The following SDK2 variants were observed in gnomAD, a reference collection of about 807,000 sequenced individuals.
The protein encoded by SDK2 is protein sidekick-2.
A neutral mutation model predicts 253.9 loss-of-function variants in SDK2; 105 were observed. The ratio of observed to expected loss-of-function variants is 0.41; its 90% confidence interval spans 0.35 to 0.49. The LOEUF (loss-of-function observed/expected upper bound fraction) is 0.49. SDK2 is among the 20% of genes least tolerant of loss of function. The pLI is 0.06. For missense variants in SDK2, 2,608 were observed against 3,003.0 expected (o/e 0.87, Z 3.07); for synonymous variants, 1,249 against 1,234.9 (o/e 1.01, Z -0.24).
intron 5 of SDK2, among the ~76,000 whole-genome samples, chr17:73,445,052 T>A (rs2063443545): frequency 6.6e-6 from 1 of 152,260 alleles, no homozygotes; most frequent in Non-Finnish European, 1.5e-5. Context: ...GAACAACTTA[T>A]GCATACGACT....
At chr17:73,625,384 C>T (rs1256799372) in intron 1 of SDK2, among the ~76,000 whole-genome samples, 1 of 152,156 alleles carries the variant, frequency 6.6e-6, no homozygotes, top group African/African-American at 2.4e-5. Context: ...CCTTGTCAGC[C>T]CCATGAGAGG....
At chr17:73,555,246 C>T (rs902931255) in intron 1 of SDK2, among the ~76,000 whole-genome samples, 2 of 152,208 alleles carry the variant, frequency 1.3e-5, no homozygotes, top group Admixed American at 6.5e-5. Flanking sequence ...GATGAGCCAG[C>T]GAGGGCCTCA....
intron 2 of SDK2, among the ~76,000 whole-genome samples, chr17:73,485,974 A>G (rs2063767194): frequency 6.6e-6 from 1 of 152,240 alleles, no homozygotes; most frequent in Non-Finnish European, 1.5e-5. Flanking sequence ...TCAAGGCCAC[A>G]GGGTTAGAGG....
intron 22 of SDK2, 101 bp from the exon 23 acceptor site, chr17:73,398,530 A>AC (rs1280244564): frequency 2.1e-6 from 2 of 973,332 alleles, no homozygotes; most frequent in Non-Finnish European, 3.1e-6. Context: ...TTGGTTCAGA[A>AC]CCCAGGGCTC....
At chr17:73,412,876 T>C (rs905443339) in intron 18 of SDK2, among the ~76,000 whole-genome samples, 1 of 152,052 alleles carries the variant, frequency 6.6e-6, no homozygotes, top group Non-Finnish European at 1.5e-5. Context: ...CAAGATCTCT[T>C]TGGACACAGA....
chr17:73,573,124 C>T (rs1021848091), intron 1 of SDK2, among the ~76,000 whole-genome samples: 2 of 152,210 alleles, frequency 1.3e-5, no homozygotes, highest in Non-Finnish European at 2.9e-5. Context: ...CCTCTCCATC[C>T]TCCACTTCCT....
rs771193425 is a variant in SDK2, at chr17:73,423,497, G to C, written c.1786C>G (p.Pro596Ala). ...TCCACGGTGCTGAGAGTGGCCACTG[G>C]GTGCTCGGGCGCGTGGGGCAGTTGC... is the stretch of plus-strand genomic sequence containing the variant. ...VRQLPHAPEH[P>A]VATLSTVERR... Residue 596 changes from proline to alanine, a missense_variant, in exon 14 of 45, where the codon CCA becomes GCA. This residue lies in a region of SDK2 where 1,505 missense variants were observed against 1,859.1 expected (regional missense o/e 0.81). Coordinates refer to ENST00000392650, the MANE Select transcript of SDK2 (RefSeq NM_001144952.2). The C allele has an allele frequency of 3.2e-6, 5 of 1,584,114 alleles. No homozygotes were observed. In the East Asian group the frequency reaches 1.1e-4, roughly 36 times the overall value.
rs572615729 is a variant in SDK2, at chr17:73,411,985, C to T, written c.2484+2659G>A. ...ATATATATACGTATATATATATCTACGTATATATATACACACATATATATG... is the reference window on the plus strand; with the variant it reads ...ATATATATACGTATATATATATCTATGTATATATATACACACATATATATG... On this transcript the variant is annotated intron_variant, in intron 18 of 44. Transcript: ENST00000392650. 1.4e-3 allele frequency among the ~76,000 whole-genome samples: 18 copies of T among 12,466 alleles called. No homozygotes were observed. In the South Asian group the frequency reaches 0.014, roughly 10 times the overall value. The allele number at this position is 12,466 out of a possible 152,430, so 8.2% of individuals were successfully genotyped here. A position where few individuals can be genotyped will look rare whatever the true frequency, so the allele number is the denominator to read the frequency against.
chr17:73,604,235 C>T (rs947132486), intron 1 of SDK2, among the ~76,000 whole-genome samples: 3 of 152,230 alleles, frequency 2.0e-5, no homozygotes, highest in African/African-American at 4.8e-5. Context: ...TCCAGAGGAG[C>T]GGACCCGCAA....
rs796440911 is a variant in SDK2 at position 73,467,460 on chromosome 17, C to G, written c.331+4652G>C. The stretch of plus-strand genomic sequence containing the variant: ...TGGGACGAGAACCACTGTGCCCTTC[C>G]CAGCACAGTGACCCTCAGGACGAGC... On this transcript the variant is annotated intron_variant, in intron 3 of 44. Coordinates refer to ENST00000392650, the MANE Select transcript of SDK2 (RefSeq NM_001144952.2). This position sits in a 1 kb window ranked among gnomAD's most constrained non-coding sequence, Gnocchi z 4.1. Among the ~76,000 whole-genome samples, 10 of 152,238 alleles carry G rather than the reference C, an allele frequency of 6.6e-5. No homozygotes were observed. Among genetic ancestry groups the G allele is most frequent in the African/African-American group, 2.2e-4 (9 of 41,538 alleles).
At chr17:73,344,862 A>T (rs2062469167) in intron 44 of SDK2, among the ~76,000 whole-genome samples, 1 of 152,188 alleles carries the variant, frequency 6.6e-6, no homozygotes, top group Admixed American at 6.5e-5. Flanking sequence ...TGCTCCAGCC[A>T]GCTGCAAACC....
chr17:73,401,583 A>G, intron 20 of SDK2, 71 bp downstream of exon 20: 1 of 1,356,680 alleles, frequency 7.4e-7, no homozygotes, highest in Non-Finnish European at 1.0e-6. Flanking sequence ...GCTCAAAGGC[A>G]GGGGATGGAC....
At chr17:73,604,699 G>C (rs1179418466) in intron 1 of SDK2, among the ~76,000 whole-genome samples, 1 of 152,218 alleles carries the variant, frequency 6.6e-6, no homozygotes, top group Non-Finnish European at 1.5e-5. Flanking sequence ...GCCTAAGCTA[G>C]TGTGCCAAGT....
At chr17:73,491,238 T>A (rs1599616575) in intron 2 of SDK2, among the ~76,000 whole-genome samples, 1 of 152,100 alleles carries the variant, frequency 6.6e-6, no homozygotes, top group South Asian at 2.1e-4. Context: ...GCTCAACATA[T>A]CCTTATCTAG....
At position 73,422,398 on chromosome 17, in the gene SDK2, G is replaced by A. The variant is rs1277365799; in HGVS notation, c.1934C>T (p.Pro645Leu). 2 of 1,613,992 alleles carry A rather than the reference G, an allele frequency of 1.2e-6. No homozygotes were observed. The highest frequency in any genetic ancestry group is 2.2e-5 in the East Asian group (1 of 44,874). The change falls in exon 15 of 45, where the codon CCC (proline) becomes CTC (leucine). Residue 645 changes from proline to leucine, a missense_variant. Around this residue, in one of 2 missense-constraint regions of SDK2, gnomAD observed 1,505 missense variants for 1,859.1 expected, o/e 0.81. Transcript: ENST00000392650. ...CTTGACTGTCACTGAGGTAGCTTTG[G>A]GGTCCACACTGGCCAGGAGTACAGT... is the stretch of plus-strand genomic sequence containing the variant. Reference protein sequence around the residue: ...PWTVLLASVDPKATSVTVKGL... With the variant: ...PWTVLLASVDLKATSVTVKGL...
intron 1 of SDK2, among the ~76,000 whole-genome samples, chr17:73,561,305 C>T (rs1200000656): frequency 6.6e-6 from 1 of 152,288 alleles, no homozygotes; most frequent in East Asian, 1.9e-4. Context: ...AGCCTGGCCT[C>T]AGCACAGATG....
chr17:73,496,838 C>A lies in SDK2; in HGVS notation c.224+10600G>T, dbSNP rs1414655061. Reference sequence around the variant, plus strand: ...TAACTCCTCAACTTGCCCCATCCTCCCCCTCCTGAAGGTCACCAGACTTCT... The same window carrying A: ...TAACTCCTCAACTTGCCCCATCCTCACCCTCCTGAAGGTCACCAGACTTCT... On this transcript the variant is annotated intron_variant, in intron 2 of 44. Transcript: ENST00000392650. The surrounding 1 kb of genome is among the most constrained non-coding windows in gnomAD (Gnocchi z 4.7). Among the ~76,000 whole-genome samples, 1 of 152,156 alleles carries A rather than the reference C, an allele frequency of 6.6e-6. No homozygotes were observed. The highest frequency in any genetic ancestry group is 2.4e-5 in the African/African-American group (1 of 41,416).
intron 2 of SDK2, among the ~76,000 whole-genome samples, chr17:73,477,091 C>T (rs1164851833): frequency 6.6e-6 from 1 of 152,270 alleles, no homozygotes; most frequent in Non-Finnish European, 1.5e-5. Context: ...GCTCTCGTCT[C>T]CCTGCCTCCC....
At position 73,387,846 on chromosome 17, in the gene SDK2, T is replaced by A. The variant is rs778438588; in HGVS notation, c.4384A>T (p.Ile1462Phe). 3 of 1,579,688 alleles carry A rather than the reference T, an allele frequency of 1.9e-6. No homozygotes were observed. Among genetic ancestry groups the A allele is most frequent in the Non-Finnish European group, 2.6e-6 (3 of 1,162,270 alleles). ...GGACCCGAGCCTTACCTGTCCACAA[T>A]GAAGCTGGAGGCATTGTGGCTCACG... Reference protein sequence around the residue: ...ASVSHNASSFIVDRLKPFTSY... With the variant: ...ASVSHNASSFFVDRLKPFTSY... The change falls in exon 30 of 45, where the codon ATT (isoleucine) becomes TTT (phenylalanine). Residue 1462 changes from isoleucine to phenylalanine, a missense_variant. Ile to Phe is a conservative substitution (Grantham distance 21). This residue lies in a region of SDK2 where 1,103 missense variants were observed against 1,143.9 expected (regional missense o/e 0.96). Coordinates refer to ENST00000392650, the MANE Select transcript of SDK2 (RefSeq NM_001144952.2).
Sources: allele counts gnomAD v4.1 joint callset (sites outside exome capture counted in the v4.1 genomes callset), GRCh38; gene constraint gnomAD v4.1.1; regional missense constraint gnomAD v4.1.1; non-coding constraint Gnocchi (gnomAD v3.1); transcripts MANE v1.5; gene names NCBI Gene and HGNC (gene_info 2026-07-23, HGNC 2026-07-21).